Variants in BMPR1A observed in about 807,000 individuals in gnomAD.
BMPR1A encodes bone morphogenetic protein receptor type-1A.
BMPR1A carries 7 observed loss-of-function variants against 66.0 expected under a neutral mutation model. The ratio of observed to expected loss-of-function variants is 0.11; its 90% CI spans 0.06 to 0.20. The LOEUF (loss-of-function observed/expected upper bound fraction) is 0.20, where lower values mean the gene tolerates loss of function less well. BMPR1A is among the 10% of genes least tolerant of loss of function. BMPR1A has a pLI of 1.00. For missense variants in BMPR1A, 408 were observed against 669.1 expected, an observed-to-expected ratio of 0.61 and a Z score of 4.31; for synonymous variants, 200 against 229.7, an observed-to-expected ratio of 0.87 and a Z score of 1.17.
At chr10:86,831,379 G>A (rs1198613413) in intron 1 of BMPR1A, among the ~76,000 whole-genome samples, 4 of 152,092 alleles carry the variant, frequency 2.6e-5, no homozygotes, top group Admixed American at 2.6e-4. Context: ...AAATGACTAT[G>A]TAGTGTTTAA....
chr10:86,887,088 C>T (rs145117707), intron 3 of BMPR1A, among the ~76,000 whole-genome samples: 2,937 of 152,162 alleles, frequency 0.019, 42 homozygotes, highest in Non-Finnish European at 0.03. Flanking sequence ...CCACTTTGGC[C>T]TCCCAAAGTG....
At chr10:86,888,399 C>T (rs964386652) in intron 3 of BMPR1A, among the ~76,000 whole-genome samples, 2 of 152,044 alleles carry the variant, frequency 1.3e-5, no homozygotes, top group Admixed American at 6.5e-5. Flanking sequence ...ACCTGGGAGG[C>T]GGAGGTTGCA....
At chr10:86,763,981 C>T (rs1351392788) in intron 1 of BMPR1A, among the ~76,000 whole-genome samples, 1 of 151,942 alleles carries the variant, frequency 6.6e-6, no homozygotes, top group African/African-American at 2.4e-5. Flanking sequence ...TTAGTAGAGA[C>T]AGGGTTTCAC....
chr10:86,890,495 TTTAATC>T (rs1843132726), intron 4 of BMPR1A, among the ~76,000 whole-genome samples: 2 of 152,144 alleles, frequency 1.3e-5, no homozygotes, highest in African/African-American at 4.8e-5. Flanking sequence ...TTAATGATCT[TTTAATC>T]TTAAATTTAT....
intron 1 of BMPR1A, among the ~76,000 whole-genome samples, chr10:86,789,262 G>A (rs1841564295): frequency 6.6e-6 from 1 of 151,986 alleles, no homozygotes; most frequent in Non-Finnish European, 1.5e-5. Context: ...TGACAACAAA[G>A]CACAAGCAAT....
At chr10:86,929,158 ATTTTC>A (rs1843785064), downstream of BMPR1A, 1 of 151,844 alleles carries the variant, frequency 6.6e-6, no homozygotes, top group African/African-American at 2.4e-5. Flanking sequence ...ATAAATCTTT[ATTTTC>A]TTATATTACA....
At chr10:86,910,614 T>A (rs1336538595) in intron 7 of BMPR1A, among the ~76,000 whole-genome samples, 1 of 152,184 alleles carries the variant, frequency 6.6e-6, no homozygotes, top group Non-Finnish European at 1.5e-5. Context: ...GAGGAGGATT[T>A]TTTTTTGCCA....
chr10:86,808,613 T>A (rs1413386260), intron 1 of BMPR1A, among the ~76,000 whole-genome samples: 1 of 152,250 alleles, frequency 6.6e-6, no homozygotes, highest in East Asian at 1.9e-4. Context: ...GTCTGAACCC[T>A]ATCTCCCATA....
rs753027854 is a variant in BMPR1A, at chr10:86,917,351, T to C, written c.868+25T>C. The stretch of plus-strand genomic sequence containing the variant: ...GGTGGGTACACACTGATTCAGTCAA[T>C]TTCATTTTTGACAAGGCTAGTGAGG... On this transcript the variant is annotated intron_variant, in intron 9 of 12. Coordinates refer to ENST00000372037, the MANE Select transcript of BMPR1A (RefSeq NM_004329.3). 1.1e-5 allele frequency: 18 copies of C among 1,613,484 alleles called. 3 individuals are homozygous for C. In the Admixed American group the frequency reaches 3.0e-4, roughly 27 times the overall value.
At chr10:86,919,115 C>T in intron 9 of BMPR1A, 57 bp from the exon 10 acceptor site, 3 of 1,597,648 alleles carry the variant, frequency 1.9e-6, no homozygotes, top group Non-Finnish European at 2.6e-6. Context: ...ATGAGCATTA[C>T]TTCTCCCTAG....
At chr10:86,788,018 G>GA (rs971441488) in intron 1 of BMPR1A, among the ~76,000 whole-genome samples, 2 of 152,078 alleles carry the variant, frequency 1.3e-5, no homozygotes, top group African/African-American at 4.8e-5. Context: ...AACCATAGAG[G>GA]AAGAGAATTT....
chr10:86,773,634 A>C (rs1407225902), intron 1 of BMPR1A, among the ~76,000 whole-genome samples: 1 of 151,566 alleles, frequency 6.6e-6, no homozygotes, highest in Non-Finnish European at 1.5e-5. Context: ...ACCAGATGGA[A>C]ATAGAAAATC....
At chr10:86,910,623 C>T (rs925421697) in intron 7 of BMPR1A, among the ~76,000 whole-genome samples, 1 of 151,702 alleles carries the variant, frequency 6.6e-6, no homozygotes, top group Non-Finnish European at 1.5e-5. Context: ...TTTTTTTTGC[C>T]ATATACCCTT....
intron 1 of BMPR1A, among the ~76,000 whole-genome samples, chr10:86,762,489 G>C (rs1346511035): frequency 6.6e-6 from 1 of 152,022 alleles, no homozygotes; most frequent in African/African-American, 2.4e-5. Context: ...TTCCCGAGTA[G>C]CTGGGTTTAA....
In BMPR1A at chr10:86,900,133, A is replaced by C. The variant is rs1060504908; in HGVS notation, c.530+7A>C. 6.2e-7 allele frequency: 1 copy of C among 1,612,622 alleles called. No individual in the cohort carries two copies. Among genetic ancestry groups the C allele is most frequent in the Non-Finnish European group, 8.5e-7 (1 of 1,179,754 alleles). On this transcript the variant is annotated splice_region_variant and intron_variant, in intron 7 of 12. Transcript: ENST00000372037. ...CCAGCTGCTTTTGTTACAAGTAAGA[A>C]GATATTTATTTTGAAGCAAAATATT...
intron 5 of BMPR1A, among the ~76,000 whole-genome samples, chr10:86,897,642 C>T (rs1185197156): frequency 6.6e-6 from 1 of 152,138 alleles, no homozygotes; most frequent in East Asian, 1.9e-4. Context: ...GGTATTGCTC[C>T]ATCACCCAGG....
intron 1 of BMPR1A, among the ~76,000 whole-genome samples, chr10:86,787,889 C>CG (rs1318702857): frequency 2.0e-5 from 3 of 151,842 alleles, no homozygotes; most frequent in Admixed American, 2.0e-4. Context: ...TCTGCCCCCC[C>CG]CCATAATCCA....
chr10:86,900,067 C>T lies in BMPR1A; in HGVS notation c.471C>T (p.Leu157=), dbSNP rs1060504903. ...FDGSIRWLVL[L]ISMAVCIIAM... is the part of the protein sequence containing the mutation. Reference sequence around the variant, plus strand: ...GCAGCATTCGATGGCTGGTTTTGCTCATTTCTATGGCTGTCTGCATAATTG... The same window carrying T: ...GCAGCATTCGATGGCTGGTTTTGCTTATTTCTATGGCTGTCTGCATAATTG... The change falls in exon 7 of 13, where the codon CTC becomes CTT. Residue 157 remains leucine (L), a synonymous_variant. Transcript: ENST00000372037. 1.9e-6 allele frequency: 3 copies of T among 1,613,976 alleles called. No homozygotes were observed. Among genetic ancestry groups the T allele is most frequent in the Non-Finnish European group, 2.5e-6 (3 of 1,180,046 alleles).
At chr10:86,822,054 G>A (rs994816513) in intron 1 of BMPR1A, among the ~76,000 whole-genome samples, 4 of 151,996 alleles carry the variant, frequency 2.6e-5, no homozygotes, top group Non-Finnish European at 5.9e-5. Context: ...TCTCGAACTC[G>A]TGGGCTCAAG....
Sources: allele counts gnomAD v4.1 joint callset (sites outside exome capture counted in the v4.1 genomes callset), GRCh38; gene constraint gnomAD v4.1.1; transcripts MANE v1.5; gene names NCBI Gene and HGNC (gene_info 2026-07-23, HGNC 2026-07-21).